Variants in PCDH7 observed in about 807,000 individuals in gnomAD.
PCDH7 encodes the protein protocadherin 7.
Under a neutral mutation model 58.9 loss-of-function variants are expected in PCDH7, and 17 were observed. The ratio of observed to expected loss-of-function variants is 0.29; its 90% CI spans 0.20 to 0.43. The LOEUF is 0.43. Among genes scored for constraint, PCDH7 ranks in the 20% least tolerant of loss-of-function variants. The pLI is 1.00. For missense variants in PCDH7, 1,274 were observed against 1,441.0 expected, an observed-to-expected ratio of 0.88 and a Z score of 1.88; for synonymous variants, 664 against 616.4, an observed-to-expected ratio of 1.08 and a Z score of -1.14.
At chr4:30,820,621 AG>A (rs1451397370) in intron 1 of PCDH7, among the ~76,000 whole-genome samples, 1 of 152,016 alleles carries the variant, frequency 6.6e-6, no homozygotes, top group East Asian at 1.9e-4. Flanking sequence ...TTTTTTTTTA[AG>A]GAATGAAGAA....
chr4:30,751,746 T>G (rs1001373802), intron 1 of PCDH7, among the ~76,000 whole-genome samples: 1 of 152,182 alleles, frequency 6.6e-6, no homozygotes, highest in Non-Finnish European at 1.5e-5. Flanking sequence ...CACCTTTGGC[T>G]AGACAATTTT....
At chr4:30,814,394 C>T (rs1727410985) in intron 1 of PCDH7, among the ~76,000 whole-genome samples, 1 of 152,038 alleles carries the variant, frequency 6.6e-6, no homozygotes, top group Non-Finnish European at 1.5e-5. Flanking sequence ...ATATGAATTT[C>T]TATTATTAGC....
At chr4:31,081,474 A>T (rs1353812619) in intron 3 of PCDH7, among the ~76,000 whole-genome samples, 5 of 152,230 alleles carry the variant, frequency 3.3e-5, no homozygotes. Context: ...ATTACATAAC[A>T]TCTTCTTAAT....
At chr4:30,949,048 G>A (rs1352338837) in intron 2 of PCDH7, among the ~76,000 whole-genome samples, 1 of 152,124 alleles carries the variant, frequency 6.6e-6, no homozygotes, top group East Asian at 1.9e-4. Flanking sequence ...GAATAGCCCT[G>A]TCTTTAGAGA....
chr4:30,916,902 A>G (rs1742540293), intron 1 of PCDH7, among the ~76,000 whole-genome samples: 1 of 152,032 alleles, frequency 6.6e-6, no homozygotes, highest in Non-Finnish European at 1.5e-5. Flanking sequence ...TTAAGTTGGG[A>G]CCAGATATTG....
intron 1 of PCDH7, among the ~76,000 whole-genome samples, chr4:30,889,923 T>A (rs1738391412): frequency 6.6e-6 from 1 of 152,182 alleles, no homozygotes; most frequent in South Asian, 2.1e-4. Flanking sequence ...GATCCTAATA[T>A]GCTAGAATGA....
chr4:30,745,780 A>ATGTG (rs139289292), intron 1 of PCDH7, among the ~76,000 whole-genome samples: 1 of 150,864 alleles, frequency 6.6e-6, no homozygotes, highest in Non-Finnish European at 1.5e-5. Context: ...GTGTGTGTGT[A>ATGTG]TGTGTGTGTG....
chr4:31,098,257 C>A (rs1173854876), intron 3 of PCDH7, among the ~76,000 whole-genome samples: 1 of 152,148 alleles, frequency 6.6e-6, no homozygotes, highest in Non-Finnish European at 1.5e-5. Flanking sequence ...TGCTTCTGGT[C>A]TCGTGACTGA....
intron 3 of PCDH7, among the ~76,000 whole-genome samples, chr4:30,975,800 G>A: frequency 6.6e-6 from 1 of 152,148 alleles, no homozygotes; most frequent in South Asian, 2.1e-4. Context: ...AAGCTGGCCT[G>A]GTGTCACTCC....
chr4:30,798,382 C>G (rs1725070768), intron 1 of PCDH7, among the ~76,000 whole-genome samples: 1 of 152,132 alleles, frequency 6.6e-6, no homozygotes. Context: ...ACTTAAAACC[C>G]TTGTGACATT....
chr4:30,946,910 C>T (rs1009347955), intron 2 of PCDH7, among the ~76,000 whole-genome samples: 3 of 152,084 alleles, frequency 2.0e-5, no homozygotes, highest in African/African-American at 7.2e-5. Flanking sequence ...TGGGGTTTTC[C>T]CATGTTAGCC....
At chr4:31,105,187 C>T (rs1007004117) in intron 3 of PCDH7, among the ~76,000 whole-genome samples, 14 of 152,208 alleles carry the variant, frequency 9.2e-5, no homozygotes, top group African/African-American at 3.4e-4. Context: ...TCATTTACTT[C>T]TTTGTGTATA....
rs1172474515 is a variant in PCDH7 at position 30,976,401 on chromosome 4, T to TC, written c.*7+26186_*7+26187insC. On this transcript the variant is annotated intron_variant, in intron 3 of 3. Coordinates refer to the PCDH7 transcript ENST00000509759. ...CCACCACGCCGGGCCATAAAATACT[T>TC]TTTTTTTTTTTTTTTTTGAGACGGA... 4.8e-4 allele frequency among the ~76,000 whole-genome samples: 68 copies of TC among 142,970 alleles called. 1 individual carries two copies. In the South Asian group the frequency reaches 0.011, roughly 22 times the overall value. The allele number at this position is 142,970 out of a possible 152,430, so 93.8% of individuals were successfully genotyped here.
intron 2 of PCDH7, among the ~76,000 whole-genome samples, chr4:30,931,263 A>G (rs1036439846): frequency 9.2e-5 from 14 of 152,088 alleles, no homozygotes; most frequent in Non-Finnish European, 1.6e-4. Flanking sequence ...CCAAAAGAAA[A>G]AAAGAAGTTG....
At chr4:30,746,851 TTC>T (rs551083478) in intron 1 of PCDH7, among the ~76,000 whole-genome samples, 10 of 152,174 alleles carry the variant, frequency 6.6e-5, no homozygotes, top group Non-Finnish European at 1.3e-4. Flanking sequence ...TCTCCTTTCT[TTC>T]TGTTTGTGTA....
chr4:30,924,538 G>T (rs557869812), intron 2 of PCDH7, among the ~76,000 whole-genome samples: 3 of 152,280 alleles, frequency 2.0e-5, no homozygotes, highest in South Asian at 2.1e-4. Context: ...CATTTTAATA[G>T]TAGAAAATGC....
chr4:30,937,400 G>A (rs533825483), intron 2 of PCDH7, among the ~76,000 whole-genome samples: 97 of 151,978 alleles, frequency 6.4e-4, no homozygotes, highest in Non-Finnish European at 1.2e-3. Context: ...AAATATCTTA[G>A]CTATTTTGAG....
At chr4:30,775,904 A>T (rs1306596121) in intron 1 of PCDH7, among the ~76,000 whole-genome samples, 1 of 152,188 alleles carries the variant, frequency 6.6e-6, no homozygotes, top group Admixed American at 6.5e-5. Flanking sequence ...TGCAAAAAAA[A>T]AAGATATGAG....
chr4:30,759,911 C>T (rs1256099856), intron 1 of PCDH7, among the ~76,000 whole-genome samples: 3 of 152,070 alleles, frequency 2.0e-5, no homozygotes, highest in African/African-American at 7.2e-5. Context: ...GGTGATGTTT[C>T]TCTTGGTTTG....
Sources: allele counts gnomAD v4.1 joint callset (sites outside exome capture counted in the v4.1 genomes callset), GRCh38; gene constraint gnomAD v4.1.1; transcripts MANE v1.5; gene names NCBI Gene and HGNC (gene_info 2026-07-23, HGNC 2026-07-21).